The following SKOR2 variants were observed in gnomAD, a reference collection of about 807,000 sequenced individuals.
The protein encoded by SKOR2 is SKI family transcriptional corepressor 2.
SKOR2 carries 47 observed loss-of-function variants against 69.1 expected under a neutral mutation model. That is an observed-to-expected ratio of 0.68 (90% confidence interval 0.54 to 0.87). The LOEUF (loss-of-function observed/expected upper bound fraction) is 0.87, where lower values mean the gene tolerates loss of function less well. Among genes scored for constraint, SKOR2 ranks in the 40% least tolerant of loss-of-function variants. The pLI is 0.00. For synonymous variants in SKOR2, 717 were observed against 672.6 expected (o/e 1.07, Z -1.02); for missense variants, 1,404 against 1,472.2 (o/e 0.95, Z 0.76).
At chr18:47,237,921 T>G (rs1246823278) in intron 4 of SKOR2, among the ~76,000 whole-genome samples, 1 of 152,108 alleles carries the variant, frequency 6.6e-6, no homozygotes, top group Non-Finnish European at 1.5e-5. Flanking sequence ...CAGGGAATCC[T>G]CCTGTTTCAT....
At chr18:47,230,885 C>T (rs2064195191) in intron 5 of SKOR2, 50 bp downstream of exon 5, 4 of 1,493,974 alleles carry the variant, frequency 2.7e-6, no homozygotes, top group South Asian at 1.2e-5. Flanking sequence ...ATTATCTCCA[C>T]AGTCGTTTAA....
intron 3 of SKOR2, 49 bp downstream of exon 3, chr18:47,245,449 T>G (rs1400804248): frequency 4.1e-5 from 59 of 1,444,800 alleles, no homozygotes; most frequent in Non-Finnish European, 5.0e-5. Flanking sequence ...ACAGAAATGG[T>G]TAAATGCAGG....
At chr18:47,227,293 C>T (rs913665626) in intron 6 of SKOR2, among the ~76,000 whole-genome samples, 6 of 150,142 alleles carry the variant, frequency 4.0e-5, no homozygotes, top group Non-Finnish European at 7.4e-5. Flanking sequence ...TCCTGTGGTC[C>T]TCATTAACCC....
intron 6 of SKOR2, among the ~76,000 whole-genome samples, chr18:47,224,814 C>T (rs1044749968): frequency 1.3e-5 from 2 of 151,878 alleles, no homozygotes; most frequent in Non-Finnish European, 2.9e-5. Flanking sequence ...GAGACAGGGT[C>T]CCAGTATGTT....
Position 47,245,478 on chromosome 18 carries a change from A to ATCTTTTTTT in SKOR2, c.2677+19_2677+20insAAAAAAAGA. The ATCTTTTTTT allele has an allele frequency of 8.4e-7, 1 of 1,194,644 alleles. No individual in the cohort carries two copies. The highest frequency in any genetic ancestry group is 1.1e-6 in the Non-Finnish European group (1 of 933,368). 74.0% of individuals were successfully genotyped at this position (1,194,644 alleles called of 1,614,324 possible). A position where few individuals can be genotyped will look rare whatever the true frequency, so the allele number is the denominator to read the frequency against. ...ATGCAGGCAAGAAAAGTGGCAGCTG[A>ATCTTTTTTT]TTTTTTTTTTTTTTTTTACCTGAAA... is the stretch of plus-strand genomic sequence containing the variant. On this transcript the variant is annotated intron_variant, in intron 3 of 8. Coordinates refer to ENST00000425639, the MANE Select transcript of SKOR2 (RefSeq NM_001278063.4).
At chr18:47,212,697 G>A (rs1290923632) in intron 7 of SKOR2, among the ~76,000 whole-genome samples, 2 of 152,160 alleles carry the variant, frequency 1.3e-5, no homozygotes, top group African/African-American at 4.8e-5. Flanking sequence ...CAGAGGCTGG[G>A]TGCGGTGGCT....
chr18:47,238,548 C>T (rs1395590367), intron 4 of SKOR2, among the ~76,000 whole-genome samples: 6 of 152,072 alleles, frequency 3.9e-5, no homozygotes, highest in Non-Finnish European at 7.4e-5. Flanking sequence ...GTCTTGAACT[C>T]CTGACCTCAG....
Position 47,206,819 on chromosome 18 carries a change from C to G in SKOR2, c.*77G>C, listed in dbSNP as rs2144468978. The G allele has an allele frequency of 6.6e-6, 1 of 152,260 alleles. No individual in the cohort carries two copies. The highest frequency in any genetic ancestry group is 1.9e-4 in the East Asian group (1 of 5,178). The allele number at this position is 152,260 out of a possible 1,614,324, so 9.4% of individuals were successfully genotyped here. ...TTCCCAAGCCCTTTCGATCTGCAGT[C>G]TTTAACACGGGTCAGAAGTGCTCCA... is the stretch of plus-strand genomic sequence containing the variant. On this transcript the variant is annotated 3_prime_UTR_variant, in exon 9 of 9. Transcript: ENST00000425639.
At chr18:47,237,731 T>C (rs1171815429) in intron 4 of SKOR2, among the ~76,000 whole-genome samples, 1 of 150,166 alleles carries the variant, frequency 6.7e-6, no homozygotes, top group Non-Finnish European at 1.5e-5. Flanking sequence ...AGGGTCTTGC[T>C]CTGTTGCCCA....
At chr18:47,216,816 C>CTGTT (rs2064145487) in intron 7 of SKOR2, among the ~76,000 whole-genome samples, 1 of 151,998 alleles carries the variant, frequency 6.6e-6, no homozygotes, top group Non-Finnish European at 1.5e-5. Flanking sequence ...AAAAAAAAGC[C>CTGTT]TGTTTTGTAA....
intron 7 of SKOR2, among the ~76,000 whole-genome samples, chr18:47,215,176 G>A (rs2064140068): frequency 6.6e-6 from 1 of 152,134 alleles, no homozygotes; most frequent in Non-Finnish European, 1.5e-5. Context: ...ACACACAGTA[G>A]CCAAAGTCTG....
intron 1 of SKOR2, among the ~76,000 whole-genome samples, chr18:47,250,606 A>T (rs1224028592): frequency 6.6e-6 from 1 of 152,114 alleles, no homozygotes; most frequent in Non-Finnish European, 1.5e-5. Flanking sequence ...TCCCTCACCC[A>T]ATTTCTTATC....
intron 7 of SKOR2, among the ~76,000 whole-genome samples, chr18:47,219,025 T>C (rs1282116499): frequency 6.6e-6 from 1 of 152,158 alleles, no homozygotes; most frequent in East Asian, 1.9e-4. Context: ...TCTTAAATAA[T>C]CCTGACAAAG....
chr18:47,249,242 A>T lies in SKOR2; in HGVS notation c.-47-12T>A. 1 of 1,486,174 alleles carries T rather than the reference A, an allele frequency of 6.7e-7. No homozygotes were observed. The highest frequency in any genetic ancestry group is 8.9e-7 in the Non-Finnish European group (1 of 1,122,038). 92.1% of individuals were successfully genotyped at this position (1,486,174 alleles called of 1,614,324 possible). ...GTCTGCCTTGGACACTGGAAGGGAA[A>T]GGAGAAAGCGTTGACTTGAGCCTTT... On this transcript the variant is annotated splice_polypyrimidine_tract_variant and intron_variant, in intron 1 of 8. Transcript: ENST00000425639.
intron 4 of SKOR2, among the ~76,000 whole-genome samples, chr18:47,235,102 C>T (rs2144500923): frequency 6.6e-6 from 1 of 152,200 alleles, no homozygotes; most frequent in East Asian, 1.9e-4. Flanking sequence ...CCATGGCTCA[C>T]ACCTGTAATC....
At chr18:47,244,318 A>G (rs1384671385) in intron 4 of SKOR2, among the ~76,000 whole-genome samples, 1 of 152,214 alleles carries the variant, frequency 6.6e-6, no homozygotes, top group Non-Finnish European at 1.5e-5. Context: ...TTTGCATTAC[A>G]TAAATGGAAA....
At position 47,245,498 on chromosome 18, in the gene SKOR2, C is replaced by G; in HGVS notation, c.2677G>C (p.Asp893His). Reference protein sequence around the residue: ...VSTKDDNSFSDKNKEHSFFIT... With the variant: ...VSTKDDNSFSHKNKEHSFFIT... ...AGCTGATTTTTTTTTTTTTTTTTACCTGAAAAGCTGTTGTCATCCTTTGTA... is the reference window on the plus strand; with the variant it reads ...AGCTGATTTTTTTTTTTTTTTTTACGTGAAAAGCTGTTGTCATCCTTTGTA... Residue 893 changes from aspartate (D) to histidine (H), a missense_variant and splice_region_variant, in exon 3 of 9, where the codon GAT becomes CAT. By Grantham distance (81) the Asp-to-His change is moderately conservative. Around this residue, in one of 3 missense-constraint regions of SKOR2, gnomAD observed 1,266 missense variants for 1,309.9 expected, o/e 0.97. Coordinates refer to ENST00000425639, the MANE Select transcript of SKOR2 (RefSeq NM_001278063.4). 3 of 734,838 alleles carry G rather than the reference C, an allele frequency of 4.1e-6. No individual in the cohort carries two copies. Among genetic ancestry groups the G allele is most frequent in the Non-Finnish European group, 5.1e-6 (3 of 582,720 alleles). 45.5% of individuals were successfully genotyped at this position (734,838 alleles called of 1,614,324 possible). A position where few individuals can be genotyped will look rare whatever the true frequency, so the allele number is the denominator to read the frequency against.
At chr18:47,238,089 C>A (rs2064232404) in intron 4 of SKOR2, among the ~76,000 whole-genome samples, 1 of 152,182 alleles carries the variant, frequency 6.6e-6, no homozygotes, top group Non-Finnish European at 1.5e-5. Context: ...CCCCAGCCAG[C>A]AGCCCCAGGG....
chr18:47,248,827 G>A lies in SKOR2; in HGVS notation c.357C>T (p.Thr119=). ...TGCACAGACGCTCGGCCTCGCGTTT[G>A]GTGATCATGCCGCAGCGGCGCGATG... ...PISSRRCGMI[T]KREAERLCKS... The change falls in exon 2 of 9, where the codon ACC becomes ACT. Residue 119 remains threonine, a synonymous_variant. Transcript: ENST00000425639. The surrounding 1 kb of genome is among the most constrained non-coding windows in gnomAD (Gnocchi z 6.4). The A allele has an allele frequency of 1.9e-6, 3 of 1,560,058 alleles. No individual in the cohort carries two copies. Among genetic ancestry groups the A allele is most frequent in the Non-Finnish European group, 2.6e-6 (3 of 1,160,488 alleles).
Sources: allele counts gnomAD v4.1 joint callset (sites outside exome capture counted in the v4.1 genomes callset), GRCh38; gene constraint gnomAD v4.1.1; regional missense constraint gnomAD v4.1.1; non-coding constraint Gnocchi (gnomAD v3.1); transcripts MANE v1.5; gene names NCBI Gene and HGNC (gene_info 2026-07-23, HGNC 2026-07-21).